The following DRAXIN variants were observed in gnomAD, a reference collection of about 807,000 sequenced individuals.
DRAXIN encodes dorsal repulsive axon guidance protein.
Under a neutral mutation model 33.9 loss-of-function variants are expected in DRAXIN, and 27 were observed. The ratio of observed to expected loss-of-function variants is 0.80; its 90% CI spans 0.59 to 1.10. The LOEUF (loss-of-function observed/expected upper bound fraction) is 1.10. Ranked by LOEUF, DRAXIN falls within the 50% of genes least tolerant of loss-of-function variation. DRAXIN has a pLI of 0.00. For synonymous variants in DRAXIN, 178 were observed against 194.0 expected (o/e 0.92, Z 0.69); for missense variants, 371 against 460.8 (o/e 0.81, Z 1.78).
chr1:11,715,289 C>T (rs770727207), intron 6 of DRAXIN, 81 bp downstream of exon 6: 7 of 1,549,418 alleles, frequency 4.5e-6, no homozygotes, highest in South Asian at 3.4e-5. Context: ...GCTTCTGCAC[C>T]GAGTGGGGAA....
Position 11,692,872 on chromosome 1 carries a change from T to C in DRAXIN, c.-11+1019T>C, listed in dbSNP as rs1360999498. Among the ~76,000 whole-genome samples, 2 of 151,954 alleles carry C rather than the reference T, an allele frequency of 1.3e-5. No homozygotes were observed. The highest frequency in any genetic ancestry group is 1.3e-4 in the Admixed American group (2 of 15,248). On this transcript the variant is annotated intron_variant, in intron 1 of 6. Transcript: ENST00000294485. This position sits in a 1 kb window ranked among gnomAD's most constrained non-coding sequence, Gnocchi z 5.8. ...TCCTGTCACAAAACAGGGATGGTGC[T>C]AGTCCCTACCTATAGGGATGTGTGT...
At chr1:11,698,649 T>A (rs769245764) in intron 1 of DRAXIN, among the ~76,000 whole-genome samples, 8 of 152,108 alleles carry the variant, frequency 5.3e-5, no homozygotes, top group Non-Finnish European at 8.8e-5. Flanking sequence ...GGCCAGAAGT[T>A]CAAGACCAGC....
intron 6 of DRAXIN, among the ~76,000 whole-genome samples, chr1:11,717,245 T>G: frequency 6.6e-6 from 1 of 151,798 alleles, no homozygotes; most frequent in Non-Finnish European, 1.5e-5. Context: ...ATCCTGCCAT[T>G]GCACTCCAGC....
chr1:11,703,793 A>G (rs1641337722), intron 1 of DRAXIN, among the ~76,000 whole-genome samples: 1 of 152,152 alleles, frequency 6.6e-6, no homozygotes, highest in South Asian at 2.1e-4. Context: ...GATGGCATTC[A>G]GACTGGGGTT....
In DRAXIN at chr1:11,721,165, C is replaced by G. The variant is rs1557695314; in HGVS notation, c.*1469C>G. ...ACCCCACACATATTGCCCATGTTTA[C>G]CCACTTTGCATACTGTTTAGTGATT... On this transcript the variant is annotated 3_prime_UTR_variant, in exon 7 of 7. Coordinates refer to ENST00000294485, the MANE Select transcript of DRAXIN (RefSeq NM_198545.4). 1 of 152,226 alleles carries G rather than the reference C, an allele frequency of 6.6e-6. No individual in the cohort carries two copies. Among genetic ancestry groups the G allele is most frequent in the Non-Finnish European group, 1.5e-5 (1 of 68,044 alleles). 9.4% of individuals were successfully genotyped at this position (152,226 alleles called of 1,614,324 possible). A position where few individuals can be genotyped will look rare whatever the true frequency, so the allele number is the denominator to read the frequency against.
At position 11,709,332 on chromosome 1, in the gene DRAXIN, C is replaced by G; in HGVS notation, c.509C>G (p.Ala170Gly). The change falls in exon 3 of 7, where the codon GCC becomes GGC. Residue 170 changes from alanine to glycine, a missense_variant. Coordinates refer to ENST00000294485, the MANE Select transcript of DRAXIN (RefSeq NM_198545.4). ...ATGAAGAAGGCAGAGCTCTCCGAAG[C>G]CCAGGTGCTGGATGCAGCCATGGAG... ...SLMKKAELSE[A>G]QVLDAAMEES... 2.5e-6 allele frequency: 4 copies of G among 1,613,958 alleles called. No individual in the cohort carries two copies. Among genetic ancestry groups the G allele is most frequent in the Non-Finnish European group, 3.4e-6 (4 of 1,179,934 alleles).
In DRAXIN at chr1:11,723,960, CT is replaced by C. The variant is rs1255279384; in HGVS notation, c.*4265del. The stretch of plus-strand genomic sequence containing the variant: ...GCACCTAATAAACCTCCAGTGTTAG[CT>C]AATTTGTTATTCTAGGAGAATTTTA... On this transcript the variant is annotated 3_prime_UTR_variant, in exon 7 of 7. Coordinates refer to ENST00000294485, the MANE Select transcript of DRAXIN (RefSeq NM_198545.4). The C allele has an allele frequency of 1.3e-5, 2 of 152,184 alleles. No homozygotes were observed. The highest frequency in any genetic ancestry group is 2.4e-5 in the African/African-American group (1 of 41,450). 9.4% of individuals were successfully genotyped at this position (152,184 alleles called of 1,614,324 possible).
chr1:11,716,409 C>T (rs1037864705), intron 6 of DRAXIN, among the ~76,000 whole-genome samples: 1 of 152,156 alleles, frequency 6.6e-6, no homozygotes, highest in Non-Finnish European at 1.5e-5. Context: ...CTTTTAAAAA[C>T]AAAATGCCAA....
In DRAXIN at chr1:11,710,128, C is replaced by T. The variant is rs117466116; in HGVS notation, c.642+663C>T. Among the ~76,000 whole-genome samples the T allele has an allele frequency of 3.2e-3, 474 of 146,848 alleles. 22 individuals carry two copies. The East Asian group carries it at 0.083, about 26-fold the overall frequency. On this transcript the variant is annotated intron_variant, in intron 3 of 6. Coordinates refer to ENST00000294485, the MANE Select transcript of DRAXIN (RefSeq NM_198545.4). ...TGAACTTGGGAGGCGGAGGCTGTAG[C>T]GTGTCAAGATCGCCCCACTGCACAC... is the stretch of plus-strand genomic sequence containing the variant.
rs764314118 is a variant in DRAXIN, at chr1:11,706,679, A to G, written c.421A>G (p.Arg141Gly). The G allele has an allele frequency of 1.3e-5, 20 of 1,593,150 alleles. No homozygotes were observed. Among genetic ancestry groups the G allele is most frequent in the Non-Finnish European group, 1.7e-5 (20 of 1,176,460 alleles). The change falls in exon 2 of 7, where the codon AGA (arginine) becomes GGA (glycine). Residue 141 changes from arginine to glycine, a missense_variant. By Grantham distance (125) the Arg-to-Gly change is moderately radical (BLOSUM62 -2). Transcript: ENST00000294485. This position sits in a 1 kb window ranked among gnomAD's most constrained non-coding sequence, Gnocchi z 5.5. ...CAGGAAACGCAGCAGGGAGCACAAGAGACGCAGGGACAGGTTGAGGCTGCA... is the reference window on the plus strand; with the variant it reads ...CAGGAAACGCAGCAGGGAGCACAAGGGACGCAGGGACAGGTTGAGGCTGCA... ...RTRKRSREHKRRRDRLRLHQG... is the reference protein window; with the variant it reads ...RTRKRSREHKGRRDRLRLHQG...
chr1:11,715,228 C>CG lies in DRAXIN; in HGVS notation c.937+26dup. The CG allele has an allele frequency of 3.1e-6, 5 of 1,613,930 alleles. No homozygotes were observed. The highest frequency in any genetic ancestry group is 1.3e-5 in the African/African-American group (1 of 75,064). On this transcript the variant is annotated intron_variant, in intron 6 of 6. Transcript: ENST00000294485. ...TGGAAGGTGGGTCCAGACTCCTTTG[C>CG]GGGGGGCTACCCATGCTCTGAGAAC...
intron 6 of DRAXIN, among the ~76,000 whole-genome samples, chr1:11,718,141 T>TAAAAAAAA (rs60384383): frequency 8.6e-6 from 1 of 116,184 alleles, no homozygotes; most frequent in Non-Finnish European, 1.8e-5. Context: ...CCATCTCTGC[T>TAAAAAAAA]AAAAAAAAAA....
At chr1:11,695,163 G>C (rs1641171478) in intron 1 of DRAXIN, among the ~76,000 whole-genome samples, 1 of 152,198 alleles carries the variant, frequency 6.6e-6, no homozygotes, top group African/African-American at 2.4e-5. Context: ...TGAGGAGTCA[G>C]ATGGCTGTGG....
chr1:11,699,859 G>A (rs1641244794), intron 1 of DRAXIN, among the ~76,000 whole-genome samples: 1 of 152,136 alleles, frequency 6.6e-6, no homozygotes, highest in South Asian at 2.1e-4. Context: ...CCTAGAAGGT[G>A]GAGATTGAAG....
In DRAXIN at chr1:11,712,408, C is replaced by T; in HGVS notation, c.826C>T (p.His276Tyr). 6.2e-7 allele frequency: 1 copy of T among 1,614,122 alleles called. No homozygotes were observed. The highest frequency in any genetic ancestry group is 8.5e-7 in the Non-Finnish European group (1 of 1,180,000). The stretch of plus-strand genomic sequence containing the variant: ...ACCAGCCGAAGGGGAACCATGCGAC[C>T]ATCACCAAGACTGCCTGCCAGGTAC... ...TSPAEGEPCD[H>Y]HQDCLPGTCC... Residue 276 changes from histidine to tyrosine, a missense_variant, in exon 5 of 7, where the codon CAT becomes TAT. Physicochemically the swap from His to Tyr is moderately conservative, Grantham distance 83 (BLOSUM62 2). Transcript: ENST00000294485.
chr1:11,719,591 C>A lies in DRAXIN; in HGVS notation c.945C>A (p.Arg315=). ...TTGCCTCCACTCGCCCAGGGCTGCGCTGCTATGCCAAATTCCACCGGAACC... is the reference window on the plus strand; with the variant it reads ...TTGCCTCCACTCGCCCAGGGCTGCGATGCTATGCCAAATTCCACCGGAACC... ...FDDCMCVEGL[R]CYAKFHRNRR... Residue 315 remains arginine, a synonymous_variant, in exon 7 of 7, where the codon CGC becomes CGA. Coordinates refer to ENST00000294485, the MANE Select transcript of DRAXIN (RefSeq NM_198545.4). 1.2e-6 allele frequency: 2 copies of A among 1,612,364 alleles called. No individual in the cohort carries two copies. The highest frequency in any genetic ancestry group is 2.7e-5 in the African/African-American group (2 of 75,014).
chr1:11,714,831 G>A (rs1479122483), intron 5 of DRAXIN, among the ~76,000 whole-genome samples: 2 of 152,238 alleles, frequency 1.3e-5, no homozygotes, highest in Non-Finnish European at 2.9e-5. Flanking sequence ...GCCCCCAGCT[G>A]TTCTACTGGC....
At chr1:11,716,564 A>T (rs1243961832) in intron 6 of DRAXIN, among the ~76,000 whole-genome samples, 1 of 152,230 alleles carries the variant, frequency 6.6e-6, no homozygotes, top group African/African-American at 2.4e-5. Context: ...GTTATCTACC[A>T]TGATCGTGCC....
upstream of DRAXIN, chr1:11,691,574 C>T (rs562388815): frequency 4.0e-5 from 6 of 151,636 alleles, no homozygotes; most frequent in African/African-American, 1.4e-4. Context: ...GCGCGCTGGC[C>T]GGGTGCGCGC....
Sources: gnomAD v4.1 joint callset for allele counts (sites outside exome capture counted in the v4.1 genomes callset) on GRCh38, gnomAD v4.1.1 for gene constraint, Gnocchi (gnomAD v3.1) non-coding constraint, MANE v1.5 for transcripts, NCBI Gene and HGNC (gene_info 2026-07-23, HGNC 2026-07-21) for gene names.